The following SPEF2 variants were observed in gnomAD, a reference collection of about 807,000 sequenced individuals.
SPEF2 encodes the protein sperm flagellar and cilia associated 2.
SPEF2 carries 187 observed loss-of-function variants against 224.6 expected under a neutral mutation model. The ratio of observed to expected loss-of-function variants is 0.83; its 90% CI spans 0.74 to 0.94. SPEF2 has a LOEUF of 0.94. Ranked by LOEUF, SPEF2 falls within the 40% of genes least tolerant of loss-of-function variation. The probability of loss-of-function intolerance (pLI) is 0.00; values close to 1 mark genes in which losing one functional copy is unlikely to be tolerated. For synonymous variants in SPEF2, 715 were observed against 707.3 expected (o/e 1.01, Z -0.17); for missense variants, 2,170 against 2,135.6 (o/e 1.02, Z -0.32).
rs1339024920 is a variant in SPEF2 at position 35,793,216 on chromosome 5, T to C, written c.4612T>C (p.Phe1538Leu). 1.2e-6 allele frequency: 2 copies of C among 1,614,186 alleles called. No individual in the cohort carries two copies. Among genetic ancestry groups the C allele is most frequent in the East Asian group, 2.2e-5 (1 of 44,882 alleles). ...VNSEFVDWRK[F>L]LLVTSMPWPI... ...CTCCGAGTTCGTGGACTGGCGGAAGTTCCTGTTAGTAACCTCAATGCCTTG... is the reference window on the plus strand; with the variant it reads ...CTCCGAGTTCGTGGACTGGCGGAAGCTCCTGTTAGTAACCTCAATGCCTTG... The change falls in exon 32 of 37, where the codon TTC becomes CTC. Residue 1538 changes from phenylalanine (F) to leucine (L), a missense_variant. Coordinates refer to ENST00000356031, the MANE Select transcript of SPEF2 (RefSeq NM_024867.4).
chr5:35,702,106 G>T (rs1204189514), intron 16 of SPEF2: 1 of 413,770 alleles, frequency 2.4e-6, no homozygotes, highest in East Asian at 7.2e-5. Flanking sequence ...ATAAGCCAAG[G>T]GAGGACAAAT....
intron 7 of SPEF2, 37 bp from the exon 8 acceptor site, chr5:35,658,982 A>T: frequency 6.8e-7 from 1 of 1,462,488 alleles, no homozygotes; most frequent in Non-Finnish European, 9.1e-7. Flanking sequence ...GGAAATTTGG[A>T]CGTCACTTTA....
intron 10 of SPEF2, among the ~76,000 whole-genome samples, chr5:35,679,827 G>A (rs189495229): frequency 2.0e-5 from 3 of 152,218 alleles, no homozygotes; most frequent in African/African-American, 7.2e-5. Flanking sequence ...TTTCTGACCA[G>A]CTCTAATCTA....
chr5:35,618,097 G>A (rs1327349893), intron 1 of SPEF2, 42 bp downstream of exon 1: 26 of 1,555,346 alleles, frequency 1.7e-5, no homozygotes, highest in Non-Finnish European at 2.3e-5. Flanking sequence ...AGGGGCTAGC[G>A]GGGCGCAGAG....
chr5:35,712,918 G>A (rs747060169), intron 20 of SPEF2, 32 bp downstream of exon 20: 1 of 1,577,134 alleles, frequency 6.3e-7, no homozygotes, highest in South Asian at 1.1e-5. Flanking sequence ...ATAATTACAT[G>A]TAATTCTGCA....
At position 35,649,430 on chromosome 5, in the gene SPEF2, G is replaced by C. The variant is rs1383979219; in HGVS notation, c.791+5G>C. 6.2e-7 allele frequency: 1 copy of C among 1,606,850 alleles called. No homozygotes were observed. The highest frequency in any genetic ancestry group is 8.5e-7 in the Non-Finnish European group (1 of 1,176,606). Reference sequence around the variant, plus strand: ...GGATCTCCAAGCAAAAGAAAGGTGAGATGTGAGCTATTTTAAGAATTACAA... The same window carrying C: ...GGATCTCCAAGCAAAAGAAAGGTGACATGTGAGCTATTTTAAGAATTACAA... On this transcript the variant is annotated splice_donor_5th_base_variant and intron_variant, in intron 6 of 36. Transcript: ENST00000356031.
chr5:35,744,545 G>T (rs947935499), intron 23 of SPEF2, among the ~76,000 whole-genome samples: 1 of 152,162 alleles, frequency 6.6e-6, no homozygotes, highest in African/African-American at 2.4e-5. Context: ...TACTTGCAAA[G>T]GTTTCACACT....
At chr5:35,719,579 C>T (rs1743234407) in intron 20 of SPEF2, among the ~76,000 whole-genome samples, 1 of 151,780 alleles carries the variant, frequency 6.6e-6, no homozygotes, top group South Asian at 2.1e-4. Context: ...TCTTATGGTC[C>T]CAAGATAAAG....
intron 1 of SPEF2, among the ~76,000 whole-genome samples, chr5:35,621,198 C>T (rs901116474): frequency 1.3e-5 from 2 of 152,056 alleles, no homozygotes; most frequent in Non-Finnish European, 2.9e-5. Flanking sequence ...ATTGTGGGAG[C>T]TTGTGGAAAA....
At chr5:35,654,273 A>C (rs914395476) in intron 6 of SPEF2, among the ~76,000 whole-genome samples, 1 of 151,600 alleles carries the variant, frequency 6.6e-6, no homozygotes, top group Non-Finnish European at 1.5e-5. Context: ...AAAAAAAAAA[A>C]GGTGAAAGAA....
chr5:35,671,200 G>A (rs919200980), intron 10 of SPEF2: 2 of 985,070 alleles, frequency 2.0e-6, no homozygotes, highest in African/African-American at 3.5e-5. Flanking sequence ...ACAAAGGTTT[G>A]TGGGACAAAG....
Position 35,740,051 on chromosome 5 carries a change from G to A in SPEF2, c.3191+5G>A. 6.2e-7 allele frequency: 1 copy of A among 1,614,100 alleles called. No homozygotes were observed. The highest frequency in any genetic ancestry group is 8.5e-7 in the Non-Finnish European group (1 of 1,179,996). On this transcript the variant is annotated splice_donor_5th_base_variant and intron_variant, in intron 22 of 36. Transcript: ENST00000356031. ...TGCTTACTTATATGAGATTAGGTAA[G>A]TAATGTTTCCAAAGTCAGAATTTTA...
chr5:35,687,038 T>G (rs1371328940), intron 10 of SPEF2, among the ~76,000 whole-genome samples: 1 of 152,158 alleles, frequency 6.6e-6, no homozygotes, highest in Non-Finnish European at 1.5e-5. Flanking sequence ...TCAGCTTTGG[T>G]GTTATGCTTG....
intron 10 of SPEF2, among the ~76,000 whole-genome samples, chr5:35,676,522 A>G (rs894369302): frequency 6.6e-6 from 1 of 152,154 alleles, no homozygotes; most frequent in Non-Finnish European, 1.5e-5. Context: ...TGAGGTCAGG[A>G]GTTCGAGACC....
At chr5:35,667,726 A>G (rs2131989) in intron 9 of SPEF2, among the ~76,000 whole-genome samples, 3,110 of 152,268 alleles carry the variant, frequency 0.02, 117 homozygotes, top group African/African-American at 0.071. Context: ...GAAAAAGATG[A>G]AAGGATGTAT....
chr5:35,729,957 T>G (rs1745359098), intron 21 of SPEF2, among the ~76,000 whole-genome samples: 1 of 152,132 alleles, frequency 6.6e-6, no homozygotes. Flanking sequence ...CAATTAAACC[T>G]TTTTCTTCCC....
At chr5:35,790,106 CGACCTAGTGTT>C (rs1755748068) in intron 30 of SPEF2, 1 of 702,762 alleles carries the variant, frequency 1.4e-6, no homozygotes, top group Non-Finnish European at 2.6e-6. Context: ...TGACACTAGT[CGACCTAGTGTT>C]GACCCTTCCT....
chr5:35,646,918 T>C, intron 5 of SPEF2, 111 bp downstream of exon 5: 1 of 1,149,196 alleles, frequency 8.7e-7, no homozygotes, highest in Middle Eastern at 3.0e-4. Flanking sequence ...TTCCAAATTA[T>C]CTCTGACCTT....
At chr5:35,619,747 T>C (rs1215414873) in intron 1 of SPEF2, among the ~76,000 whole-genome samples, 1 of 152,168 alleles carries the variant, frequency 6.6e-6, no homozygotes, top group Non-Finnish European at 1.5e-5. Context: ...CAGGACTCTA[T>C]TGCAACATTT....
Sources: gnomAD v4.1 joint callset for allele counts (sites outside exome capture counted in the v4.1 genomes callset) on GRCh38, gnomAD v4.1.1 for gene constraint, MANE v1.5 for transcripts, NCBI Gene and HGNC (gene_info 2026-07-23, HGNC 2026-07-21) for gene names.